Variants in MRC1 observed in about 807,000 individuals in gnomAD.
MRC1 encodes the protein macrophage mannose receptor 1.
In MRC1, 62 loss-of-function variants were observed where a neutral mutation model predicts 102.9. The ratio of observed to expected loss-of-function variants is 0.60; its 90% CI spans 0.49 to 0.74. The LOEUF is 0.74. MRC1 is among the 30% of genes least tolerant of loss of function. MRC1 has a pLI of 0.00. For missense variants in MRC1, 1,237 were observed against 862.8 expected (o/e 1.43, Z -5.43); for synonymous variants, 457 against 298.4 (o/e 1.53, Z -5.48).
chr10:17,837,454 T>A (rs1838685179), intron 4 of MRC1, among the ~76,000 whole-genome samples: 1 of 152,194 alleles, frequency 6.6e-6, no homozygotes, highest in Non-Finnish European at 1.5e-5. Context: ...TATTGGGGAA[T>A]AATCCAGAAA....
intron 3 of MRC1, 138 bp from the exon 4 acceptor site, chr10:17,833,537 A>G (rs1251044991): frequency 2.9e-6 from 2 of 691,772 alleles, no homozygotes; most frequent in East Asian, 2.5e-5. Context: ...AAAAAAAAAA[A>G]GTAGAAAGGG....
intron 3 of MRC1, among the ~76,000 whole-genome samples, chr10:17,830,273 A>C (rs900471775): frequency 0.017 from 2,644 of 151,262 alleles, 48 homozygotes; most frequent in South Asian, 0.07. Flanking sequence ...CTGGGATTAC[A>C]GGCACCCACC....
At chr10:17,874,966 C>A (rs1388326352) in intron 16 of MRC1, 124 bp from the exon 17 acceptor site, 3 of 742,730 alleles carry the variant, frequency 4.0e-6, no homozygotes, top group South Asian at 3.0e-5. Flanking sequence ...CTGTTCTGGT[C>A]TCTCAGAGTT....
Position 17,827,661 on chromosome 10 carries a change from G to A in MRC1, c.583G>A (p.Gly195Arg), listed in dbSNP as rs1198347950. Reference protein sequence around the residue: ...AGRSDGWLWCGTTTDYDTDKL... With the variant: ...AGRSDGWLWCRTTTDYDTDKL... The stretch of plus-strand genomic sequence containing the variant: ...GCGGTCGGATGGATGGCTCTGGTGC[G>A]GAACCACTACTGACTATGACACAGA... The change falls in exon 3 of 30, where the codon GGA becomes AGA. Residue 195 changes from glycine to arginine, a missense_variant. Gly to Arg is a moderately radical substitution (Grantham distance 125, BLOSUM62 -2). Coordinates refer to ENST00000569591, the MANE Select transcript of MRC1 (RefSeq NM_002438.4). 2.6e-6 allele frequency: 2 copies of A among 780,782 alleles called. No individual in the cohort carries two copies. Among genetic ancestry groups the A allele is most frequent in the East Asian group, 2.4e-5 (1 of 41,254 alleles). 48.4% of individuals were successfully genotyped at this position (780,782 alleles called of 1,614,324 possible).
At chr10:17,836,577 G>GT (rs1337847864) in intron 4 of MRC1, among the ~76,000 whole-genome samples, 1 of 152,176 alleles carries the variant, frequency 6.6e-6, no homozygotes, top group East Asian at 1.9e-4. Context: ...GCTCACCCTT[G>GT]TATTCCCATC....
At chr10:17,848,976 T>G (rs948127091) in intron 6 of MRC1, among the ~76,000 whole-genome samples, 2 of 152,142 alleles carry the variant, frequency 1.3e-5, no homozygotes. Context: ...GTCCATAGAA[T>G]AAAGTAAATT....
intron 6 of MRC1, among the ~76,000 whole-genome samples, chr10:17,846,875 A>G (rs1838833471): frequency 6.6e-6 from 1 of 152,214 alleles, no homozygotes; most frequent in Non-Finnish European, 1.5e-5. Context: ...TTTTATTAAT[A>G]CAAACAGTCC....
intron 4 of MRC1, among the ~76,000 whole-genome samples, chr10:17,834,654 T>C (rs1838635334): frequency 6.6e-6 from 1 of 152,210 alleles, no homozygotes; most frequent in African/African-American, 2.4e-5. Context: ...CCTCAGGTGA[T>C]CCACCTGCCT....
intron 13 of MRC1, 133 bp downstream of exon 13, chr10:17,870,506 T>C: frequency 1.3e-6 from 1 of 743,596 alleles, no homozygotes; most frequent in Admixed American, 1.9e-5. Flanking sequence ...CCCAAATCTG[T>C]GGGCCCTGTT....
At chr10:17,831,945 T>C (rs1838580458) in intron 3 of MRC1, among the ~76,000 whole-genome samples, 1 of 151,816 alleles carries the variant, frequency 6.6e-6, no homozygotes, top group South Asian at 2.1e-4. Flanking sequence ...CAGCTTGTGA[T>C]TTTTTACTCT....
chr10:17,909,300 A>G lies in MRC1; in HGVS notation c.4079-6A>G, dbSNP rs1265094408. On this transcript the variant is annotated splice_polypyrimidine_tract_variant and splice_region_variant and intron_variant, in intron 28 of 29. Transcript: ENST00000569591. ...TTTTTATAAATTTTTTTTTTTTTAC[A>G]CACAGTTATTGATGCTAAACCTACT... is the stretch of plus-strand genomic sequence containing the variant. The G allele has an allele frequency of 2.3e-6, 2 of 865,476 alleles. No individual in the cohort carries two copies. Among genetic ancestry groups the G allele is most frequent in the Admixed American group, 1.7e-5 (1 of 58,274 alleles). The allele number at this position is 865,476 out of a possible 1,614,324, so 53.6% of individuals were successfully genotyped here. A position where few individuals can be genotyped will look rare whatever the true frequency, so the allele number is the denominator to read the frequency against.
intron 9 of MRC1, 148 bp downstream of exon 9, chr10:17,856,500 T>C: frequency 1.5e-6 from 1 of 655,352 alleles, no homozygotes; most frequent in Non-Finnish European, 2.7e-6. Context: ...TTAGTGTTGA[T>C]CTCACTGTTC....
At chr10:17,821,866 A>G (rs1411382420) in intron 1 of MRC1, among the ~76,000 whole-genome samples, 1 of 152,240 alleles carries the variant, frequency 6.6e-6, no homozygotes, top group Non-Finnish European at 1.5e-5. Flanking sequence ...CATCTGCACT[A>G]CTACCAGCTC....
chr10:17,871,918 A>C, intron 14 of MRC1, 64 bp from the exon 15 acceptor site: 1 of 752,588 alleles, frequency 1.3e-6, no homozygotes, highest in Non-Finnish European at 2.5e-6. Flanking sequence ...TTCTGTTTGG[A>C]TGAATGATTG....
At chr10:17,885,583 G>C in intron 22 of MRC1, 148 bp downstream of exon 22, 1 of 661,754 alleles carries the variant, frequency 1.5e-6, no homozygotes, top group South Asian at 1.9e-5. Context: ...AGACTGAGCT[G>C]ACTTTGAGAG....
chr10:17,906,720 T>C (rs1833900975), intron 26 of MRC1, among the ~76,000 whole-genome samples, 166 bp from the exon 27 acceptor site: 2 of 152,326 alleles, frequency 1.3e-5, no homozygotes, highest in African/African-American at 4.8e-5. Flanking sequence ...TATTTCAGAA[T>C]GAAAACTAAA....
chr10:17,904,015 C>G (rs1833864911), intron 26 of MRC1, among the ~76,000 whole-genome samples: 1 of 152,000 alleles, frequency 6.6e-6, no homozygotes, highest in Non-Finnish European at 1.5e-5. Flanking sequence ...TAATAGTGTA[C>G]AAAAACTTTG....
intron 1 of MRC1, among the ~76,000 whole-genome samples, chr10:17,813,896 GC>G (rs1174267206): frequency 6.6e-6 from 1 of 151,596 alleles, no homozygotes; most frequent in African/African-American, 2.4e-5. Context: ...ATGGGGTTTT[GC>G]CATGTTGTCC....
At chr10:17,811,458 G>T (rs1023289026) in intron 1 of MRC1, among the ~76,000 whole-genome samples, 10 of 152,200 alleles carry the variant, frequency 6.6e-5, no homozygotes, top group African/African-American at 2.4e-4. Context: ...ATATTGGGGA[G>T]AGAAGGGGGA....
Sources: allele counts gnomAD v4.1 joint callset (sites outside exome capture counted in the v4.1 genomes callset), GRCh38; gene constraint gnomAD v4.1.1; transcripts MANE v1.5; gene names NCBI Gene and HGNC (gene_info 2026-07-23, HGNC 2026-07-21).